CRIM1: variants seen among roughly 807,000 people sequenced by gnomAD.
The protein encoded by CRIM1 is cysteine rich transmembrane BMP regulator 1.
A neutral mutation model predicts 116.4 loss-of-function variants in CRIM1; 32 were observed. That is an observed-to-expected ratio of 0.27 (90% CI 0.21 to 0.37). The LOEUF is 0.37. Ranked by LOEUF, CRIM1 falls within the 10% of genes least tolerant of loss-of-function variation. The pLI, the probability that CRIM1 is intolerant of heterozygous loss-of-function variation, is 1.00. For synonymous variants in CRIM1, 590 were observed against 509.2 expected, an observed-to-expected ratio of 1.16 and a Z score of -2.13; for missense variants, 1,331 against 1,354.8, an observed-to-expected ratio of 0.98 and a Z score of 0.28.
intron 2 of CRIM1, among the ~76,000 whole-genome samples, chr2:36,431,173 G>C (rs531775240): frequency 6.6e-6 from 1 of 152,060 alleles, no homozygotes; most frequent in Non-Finnish European, 1.5e-5. Flanking sequence ...TTGGGACATC[G>C]CGTTAGGTGT....
intron 13 of CRIM1, among the ~76,000 whole-genome samples, chr2:36,525,525 C>G (rs1357975823): frequency 6.6e-6 from 1 of 152,194 alleles, no homozygotes; most frequent in African/African-American, 2.4e-5. Context: ...TGGAAACACA[C>G]CATCAGGCGG....
In CRIM1 at chr2:36,549,292, G is replaced by C. The variant is rs1266253111; in HGVS notation, c.*591G>C. On this transcript the variant is annotated 3_prime_UTR_variant, in exon 17 of 17. Transcript: ENST00000280527. ...TCTTTTCTATACAGTCACAACTGCA[G>C]TAGGCAGTGAGGAAGCCAGAGAAAT... 1.3e-5 allele frequency: 2 copies of C among 152,698 alleles called. No homozygotes were observed. Among genetic ancestry groups the C allele is most frequent in the Admixed American group, 6.5e-5 (1 of 15,280 alleles). The allele number at this position is 152,698 out of a possible 1,614,324, so 9.5% of individuals were successfully genotyped here.
chr2:36,532,391 G>C (rs760786051), intron 13 of CRIM1, among the ~76,000 whole-genome samples: 3 of 152,228 alleles, frequency 2.0e-5, no homozygotes, highest in Non-Finnish European at 4.4e-5. Context: ...GGGAGGGAGA[G>C]ATTGTGAGGG....
rs139682458 is a variant in CRIM1, at chr2:36,546,072, C to A, written c.2747-912C>A. 5.3e-5 allele frequency among the ~76,000 whole-genome samples: 8 copies of A among 152,220 alleles called. No homozygotes were observed. The East Asian group carries it at 1.5e-3, about 29-fold the overall frequency. ...AGTTTTAAACCACAGTGTTACATACCACAAAGCTCTGTCACTTCATGAGCT... is the reference window on the plus strand; with the variant it reads ...AGTTTTAAACCACAGTGTTACATACAACAAAGCTCTGTCACTTCATGAGCT... On this transcript the variant is annotated intron_variant, in intron 15 of 16. Coordinates refer to ENST00000280527, the MANE Select transcript of CRIM1 (RefSeq NM_016441.3).
rs778482481 is a variant in CRIM1, at chr2:36,396,615, T to C, written c.333T>C (p.Asp111=). ...ATCTGGTTGTTAATTGTTTTACAGA[T>C]GAGAACTGGACTGATGACCAACTGC... The part of the protein sequence containing the change: ...LTEYEAGVCE[D]ENWTDDQLLG... The change falls in exon 2 of 17, where the codon GAT becomes GAC. Residue 111 remains aspartate, a splice_region_variant and synonymous_variant. Coordinates refer to ENST00000280527, the MANE Select transcript of CRIM1 (RefSeq NM_016441.3). The C allele has an allele frequency of 1.3e-6, 2 of 1,563,890 alleles. No homozygotes were observed. The highest frequency in any genetic ancestry group is 2.4e-5 in the South Asian group (2 of 83,800).
At chr2:36,456,400 T>C (rs964681495) in intron 4 of CRIM1, among the ~76,000 whole-genome samples, 1 of 152,206 alleles carries the variant, frequency 6.6e-6, no homozygotes, top group African/African-American at 2.4e-5. Flanking sequence ...CACTCTGAAG[T>C]GGGAATAACC....
chr2:36,537,274 C>G, intron 13 of CRIM1, 78 bp from the exon 14 acceptor site: 1 of 1,310,566 alleles, frequency 7.6e-7, no homozygotes, highest in Non-Finnish European at 1.1e-6. Flanking sequence ...ACAAAGCTAT[C>G]CCTTGATCTC....
chr2:36,414,896 A>G (rs1210739705), intron 2 of CRIM1, among the ~76,000 whole-genome samples: 1 of 152,208 alleles, frequency 6.6e-6, no homozygotes, highest in Non-Finnish European at 1.5e-5. Flanking sequence ...ATAGGAATCC[A>G]TGAAAGAGTT....
At chr2:36,464,186 A>G (rs538308744) in intron 4 of CRIM1, among the ~76,000 whole-genome samples, 2 of 152,392 alleles carry the variant, frequency 1.3e-5, no homozygotes, top group South Asian at 2.1e-4. Context: ...ACAGAAGAGC[A>G]TAACAGATAC....
At chr2:36,395,845 A>G (rs796319727) in intron 1 of CRIM1, among the ~76,000 whole-genome samples, 9 of 152,280 alleles carry the variant, frequency 5.9e-5, no homozygotes, top group African/African-American at 2.2e-4. Context: ...GTGGTGTCTG[A>G]TTTTTGATGT....
chr2:36,529,794 C>G (rs980607902), intron 13 of CRIM1, among the ~76,000 whole-genome samples: 1 of 152,188 alleles, frequency 6.6e-6, no homozygotes, highest in Non-Finnish European at 1.5e-5. Context: ...TCACCTATTT[C>G]TTTCTAGTAT....
In CRIM1 at chr2:36,548,700, G is replaced by GAAGA; in HGVS notation, c.*3_*6dup. 1.3e-6 allele frequency: 2 copies of GAAGA among 1,577,314 alleles called. No homozygotes were observed. Among genetic ancestry groups the GAAGA allele is most frequent in the Non-Finnish European group, 1.7e-6 (2 of 1,167,522 alleles). ...GCAGACAATTTCTACCAAACAGTGT[G>GAAGA]AAGAAAGGCAACTAGGATGAGGTTT... On this transcript the variant is annotated frameshift_variant and stop_retained_variant, in exon 17 of 17. Coordinates refer to ENST00000280527, the MANE Select transcript of CRIM1 (RefSeq NM_016441.3). LOFTEE classifies it high-confidence loss of function.
chr2:36,532,947 G>C (rs1666216402), intron 13 of CRIM1, among the ~76,000 whole-genome samples: 2 of 152,200 alleles, frequency 1.3e-5, no homozygotes, highest in Non-Finnish European at 2.9e-5. Context: ...GTCAGAATAA[G>C]CAAACCAGTT....
chr2:36,519,926 TA>T (rs1665268402), intron 12 of CRIM1, among the ~76,000 whole-genome samples: 2 of 151,708 alleles, frequency 1.3e-5, no homozygotes, highest in African/African-American at 4.8e-5. Context: ...AGGTAGAAAA[TA>T]GAAAAAAGGA....
intron 2 of CRIM1, among the ~76,000 whole-genome samples, chr2:36,418,815 C>T (rs1673829358): frequency 6.6e-6 from 1 of 152,186 alleles, no homozygotes; most frequent in African/African-American, 2.4e-5. Flanking sequence ...CCTGAGGTCT[C>T]CATGGATCTG....
intron 8 of CRIM1, among the ~76,000 whole-genome samples, chr2:36,508,726 C>T (rs1048331191): frequency 1.3e-5 from 2 of 152,098 alleles, no homozygotes; most frequent in Non-Finnish European, 2.9e-5. Context: ...TAACCTTAAA[C>T]ATTTCTATTT....
intron 12 of CRIM1, among the ~76,000 whole-genome samples, chr2:36,521,037 T>G (rs960258597): frequency 2.0e-5 from 3 of 152,198 alleles, no homozygotes; most frequent in Non-Finnish European, 4.4e-5. Flanking sequence ...TTAGAAGTGC[T>G]CTCTTATCAG....
At chr2:36,520,755 T>A (rs963286797) in intron 12 of CRIM1, among the ~76,000 whole-genome samples, 9 of 152,172 alleles carry the variant, frequency 5.9e-5, no homozygotes, top group African/African-American at 2.2e-4. Flanking sequence ...AAAAGGCCCT[T>A]CTTGTCACAT....
At chr2:36,423,681 G>T (rs755298600) in intron 2 of CRIM1, among the ~76,000 whole-genome samples, 7 of 152,162 alleles carry the variant, frequency 4.6e-5, no homozygotes, top group Non-Finnish European at 8.8e-5. Context: ...TGTATCATTT[G>T]TTTGTTAGAC....
Sources: gnomAD v4.1 joint callset for allele counts (sites outside exome capture counted in the v4.1 genomes callset) on GRCh38, gnomAD v4.1.1 for gene constraint, MANE v1.5 for transcripts, NCBI Gene and HGNC (gene_info 2026-07-23, HGNC 2026-07-21) for gene names.